SCFD1: variants seen among roughly 807,000 people sequenced by gnomAD.
SCFD1 encodes sec1 family domain containing 1, also known as sec1 family domain-containing protein 1.
In SCFD1, 37 loss-of-function variants were observed where a neutral mutation model predicts 103.2. The ratio of observed to expected loss-of-function variants is 0.36; its 90% CI spans 0.28 to 0.47. SCFD1 has a LOEUF of 0.47. Ranked by LOEUF, SCFD1 falls within the 20% of genes least tolerant of loss-of-function variation. The pLI is 1.00. For synonymous variants in SCFD1, 264 were observed against 245.0 expected (o/e 1.08, Z -0.73); for missense variants, 639 against 761.2 (o/e 0.84, Z 1.89).
chr14:30,727,207 A>C (rs563096264), intron 23 of SCFD1, among the ~76,000 whole-genome samples: 25 of 152,200 alleles, frequency 1.6e-4, no homozygotes, highest in African/African-American at 5.8e-4. Flanking sequence ...ACATGTTACT[A>C]TGAGTAGTTG....
intron 7 of SCFD1, chr14:30,643,946 A>G (rs1278435501): frequency 8.8e-6 from 4 of 456,490 alleles, no homozygotes; most frequent in East Asian, 6.9e-5. Flanking sequence ...TTGGTGTACA[A>G]ATGAATTCGT....
intron 23 of SCFD1, among the ~76,000 whole-genome samples, chr14:30,733,048 C>T (rs1293929633): frequency 6.6e-6 from 1 of 151,344 alleles, no homozygotes; most frequent in Non-Finnish European, 1.5e-5. Flanking sequence ...TTCTCTCACC[C>T]AGGCTGGAGT....
intron 23 of SCFD1, 63 bp downstream of exon 23, chr14:30,722,622 A>T: frequency 2.1e-6 from 2 of 956,204 alleles, no homozygotes; most frequent in Non-Finnish European, 3.2e-6. Context: ...ACACTAGCAT[A>T]CTCTGATGGC....
chr14:30,642,106 G>A (rs968758490), intron 6 of SCFD1, among the ~76,000 whole-genome samples: 10 of 152,008 alleles, frequency 6.6e-5, no homozygotes, highest in African/African-American at 1.9e-4. Context: ...CCGCCACCCC[G>A]AGACAGAGTC....
Position 30,716,607 on chromosome 14 carries a change from A to G in SCFD1, c.1683+630A>G, listed in dbSNP as rs1459294163. ...CAACCAAAAGGTGGTTATTACCACAAGAATCTGGAATCAAAAACAGGCAGC... is the reference window on the plus strand; with the variant it reads ...CAACCAAAAGGTGGTTATTACCACAGGAATCTGGAATCAAAAACAGGCAGC... On this transcript the variant is annotated intron_variant, in intron 20 of 24. Coordinates refer to ENST00000458591, the MANE Select transcript of SCFD1 (RefSeq NM_016106.4). Among the ~76,000 whole-genome samples the G allele has an allele frequency of 2.0e-5, 3 of 152,242 alleles. No homozygotes were observed. The East Asian group carries it at 5.8e-4, about 29-fold the overall frequency.
At chr14:30,727,620 T>C (rs1322365059) in intron 23 of SCFD1, among the ~76,000 whole-genome samples, 1 of 152,236 alleles carries the variant, frequency 6.6e-6, no homozygotes, top group Non-Finnish European at 1.5e-5. Flanking sequence ...TCTTACGAGA[T>C]ACCAAAATAA....
chr14:30,659,571 G>A (rs764822289), intron 10 of SCFD1, among the ~76,000 whole-genome samples: 17 of 152,142 alleles, frequency 1.1e-4, no homozygotes, highest in Admixed American at 2.0e-4. Flanking sequence ...GCATATGGCC[G>A]GCAATGTATC....
At position 30,719,320 on chromosome 14, in the gene SCFD1, A is replaced by T. The variant is rs759888210; in HGVS notation, c.1684-5A>T. 6.3e-7 allele frequency: 1 copy of T among 1,585,294 alleles called. No homozygotes were observed. Among genetic ancestry groups the T allele is most frequent in the Non-Finnish European group, 8.6e-7 (1 of 1,162,168 alleles). On this transcript the variant is annotated splice_region_variant and splice_polypyrimidine_tract_variant and intron_variant, in intron 20 of 24. Transcript: ENST00000458591. ...GTCATGGTAAAGTTCTATTTTTTTTAATAGGAAACTGATGACTATAGATAT... is the reference window on the plus strand; with the variant it reads ...GTCATGGTAAAGTTCTATTTTTTTTTATAGGAAACTGATGACTATAGATAT...
At chr14:30,690,944 A>T (rs1890252501) in intron 14 of SCFD1, among the ~76,000 whole-genome samples, 1 of 152,184 alleles carries the variant, frequency 6.6e-6, no homozygotes, top group South Asian at 2.1e-4. Flanking sequence ...TGTCACTCTT[A>T]TTACCCAAAC....
At chr14:30,624,332 T>C (rs1439852802) in intron 1 of SCFD1, among the ~76,000 whole-genome samples, 1 of 152,234 alleles carries the variant, frequency 6.6e-6, no homozygotes, top group East Asian at 1.9e-4. Flanking sequence ...TGTTCTCATC[T>C]AGCGCCTTAG....
chr14:30,717,622 T>C (rs117926361), intron 20 of SCFD1, among the ~76,000 whole-genome samples: 5,907 of 152,234 alleles, frequency 0.039, 141 homozygotes, highest in South Asian at 0.067. Context: ...CATTTTGCGG[T>C]GGTTCAAGCC....
At chr14:30,665,268 C>A (rs1314642373) in intron 10 of SCFD1, among the ~76,000 whole-genome samples, 1 of 152,142 alleles carries the variant, frequency 6.6e-6, no homozygotes, top group African/African-American at 2.4e-5. Context: ...ATTTTCAACT[C>A]AGAATTTCAT....
chr14:30,702,504 T>C (rs2139342385), intron 17 of SCFD1, 129 bp downstream of exon 17: 1 of 513,448 alleles, frequency 1.9e-6, no homozygotes, highest in Non-Finnish European at 3.4e-6. Flanking sequence ...TCCAGTGGCA[T>C]AAATATTTCC....
chr14:30,734,748 T>G (rs1893717520), intron 23 of SCFD1, 42 bp from the exon 24 acceptor site: 4 of 1,383,932 alleles, frequency 2.9e-6, no homozygotes, highest in Non-Finnish European at 4.1e-6. Context: ...TTGAATATAT[T>G]TCTTGTTACT....
Position 30,673,287 on chromosome 14 carries a change from G to A in SCFD1, c.1026G>A (p.Gln342=), listed in dbSNP as rs1186051960. The A allele has an allele frequency of 6.3e-7, 1 of 1,598,624 alleles. No individual in the cohort carries two copies. The change falls in exon 12 of 25, where the codon CAG becomes CAA. Residue 342 remains glutamine, a synonymous_variant. Transcript: ENST00000458591. ...SPFPEVAESV[Q]QELESYRAQE... ...TCCCAGAAGTTGCAGAATCAGTTCA[G>A]CAAGAACTAGAATCTTACAGAGCAC...
intron 23 of SCFD1, among the ~76,000 whole-genome samples, chr14:30,727,763 A>G (rs1893153153): frequency 6.6e-6 from 1 of 152,088 alleles, no homozygotes; most frequent in Admixed American, 6.5e-5. Flanking sequence ...ACATTCGGCA[A>G]GAGGACTTAC....
At chr14:30,643,164 T>C in intron 6 of SCFD1, 152 bp from the exon 7 acceptor site, 1 of 668,192 alleles carries the variant, frequency 1.5e-6, no homozygotes, top group Non-Finnish European at 2.7e-6. Flanking sequence ...CAGAGCAAGA[T>C]CCTGTCTGAA....
At chr14:30,726,017 G>A (rs777405899) in intron 23 of SCFD1, among the ~76,000 whole-genome samples, 17 of 152,130 alleles carry the variant, frequency 1.1e-4, no homozygotes, top group Non-Finnish European at 1.8e-4. Context: ...AGGTGTTCCC[G>A]GGGATAAACA....
chr14:30,638,298 C>T (rs1884932092), intron 5 of SCFD1, 51 bp downstream of exon 5: 1 of 1,610,108 alleles, frequency 6.2e-7, no homozygotes, highest in African/African-American at 1.3e-5. Flanking sequence ...AAATTTAACA[C>T]TGTTCTGAAA....
Sources: gnomAD v4.1 joint callset for allele counts (sites outside exome capture counted in the v4.1 genomes callset) on GRCh38, gnomAD v4.1.1 for gene constraint, MANE v1.5 for transcripts, NCBI Gene and HGNC (gene_info 2026-07-23, HGNC 2026-07-21) for gene names.